The following NEO1 variants were observed in gnomAD, a reference collection of about 807,000 sequenced individuals.
NEO1 encodes the protein neogenin.
In NEO1, 63 loss-of-function variants were observed where a neutral mutation model predicts 159.7. The ratio of observed to expected loss-of-function variants is 0.39; its 90% CI spans 0.32 to 0.49. NEO1 has a LOEUF of 0.49. Among genes scored for constraint, NEO1 ranks in the 20% least tolerant of loss-of-function variants. NEO1 has a pLI of 0.85. For missense variants in NEO1, 1,615 were observed against 1,831.0 expected, an observed-to-expected ratio of 0.88 and a Z score of 2.15; for synonymous variants, 633 against 662.0, an observed-to-expected ratio of 0.96 and a Z score of 0.67.
intron 1 of NEO1, among the ~76,000 whole-genome samples, chr15:73,084,654 A>G (rs1595936129): frequency 6.6e-6 from 1 of 152,114 alleles, no homozygotes; most frequent in African/African-American, 2.4e-5. Flanking sequence ...TTTCCTTTGG[A>G]TATATACCCA....
At position 73,191,261 on chromosome 15, in the gene NEO1, C is replaced by A. The variant is rs145433509; in HGVS notation, c.1291+12834C>A. On this transcript the variant is annotated intron_variant, in intron 7 of 28. Coordinates refer to ENST00000261908, the MANE Select transcript of NEO1 (RefSeq NM_002499.4). ...AAACAGTCATCTCTGCACAGCACACCTTTGAGGGGCAAATGGAATAATATA... is the reference window on the plus strand; with the variant it reads ...AAACAGTCATCTCTGCACAGCACACATTTGAGGGGCAAATGGAATAATATA... Among the ~76,000 whole-genome samples the A allele has an allele frequency of 9.0e-4, 137 of 152,136 alleles. 1 individual carries two copies. Among genetic ancestry groups the A allele is most frequent in the African/African-American group, 3.2e-3 (132 of 41,526 alleles).
At chr15:73,114,090 T>C (rs1422289197) in intron 1 of NEO1, among the ~76,000 whole-genome samples, 1 of 152,152 alleles carries the variant, frequency 6.6e-6, no homozygotes, top group Non-Finnish European at 1.5e-5. Flanking sequence ...CATGCTTGCT[T>C]AGAACAGGCA....
chr15:73,228,144 A>G (rs1479098792), intron 7 of NEO1, among the ~76,000 whole-genome samples: 3 of 152,256 alleles, frequency 2.0e-5, no homozygotes, highest in Non-Finnish European at 4.4e-5. Context: ...TAAAGTGTCC[A>G]GAAATTATCA....
At chr15:73,227,485 A>T (rs1333147225) in intron 7 of NEO1, among the ~76,000 whole-genome samples, 1 of 152,120 alleles carries the variant, frequency 6.6e-6, no homozygotes, top group Admixed American at 6.5e-5. Context: ...AACAGACTCC[A>T]TCTCAAAAAC....
intron 1 of NEO1, among the ~76,000 whole-genome samples, chr15:73,067,672 A>C (rs1011161666): frequency 1.4e-5 from 2 of 147,296 alleles, no homozygotes; most frequent in African/African-American, 5.1e-5. Flanking sequence ...GCTGGAGTGC[A>C]GTGGTGCCAT....
chr15:73,068,956 C>CTT (rs35031912), intron 1 of NEO1, among the ~76,000 whole-genome samples: 2 of 135,980 alleles, frequency 1.5e-5, no homozygotes, highest in Non-Finnish European at 3.1e-5. Context: ...TAGAGTGGGG[C>CTT]TTTTTTTTTT....
At chr15:73,061,694 T>C (rs1441160819) in intron 1 of NEO1, among the ~76,000 whole-genome samples, 1 of 152,222 alleles carries the variant, frequency 6.6e-6, no homozygotes, top group Non-Finnish European at 1.5e-5. Context: ...AATCATACAC[T>C]CCAACCCTTC....
intron 1 of NEO1, among the ~76,000 whole-genome samples, chr15:73,095,993 C>T (rs763686039): frequency 9.9e-5 from 15 of 152,098 alleles, no homozygotes; most frequent in Non-Finnish European, 1.9e-4. Flanking sequence ...TATGGTGAAG[C>T]TTGGGTGGAA....
rs145323401 is a variant in NEO1, at chr15:73,294,852, A to G, written c.3901+1304A>G. 5.1e-3 allele frequency among the ~76,000 whole-genome samples: 774 copies of G among 152,060 alleles called. 6 individuals carry two copies. Among genetic ancestry groups the G allele is most frequent in the Admixed American group, 7.3e-3 (111 of 15,274 alleles). On this transcript the variant is annotated intron_variant, in intron 26 of 28. Coordinates refer to ENST00000261908, the MANE Select transcript of NEO1 (RefSeq NM_002499.4). ...ACCGCGCCCGGTCCCCATTCTTTCA[A>G]GTTTTCATCAATCATAAACATACCC...
At chr15:73,079,135 T>C (rs1045963277) in intron 1 of NEO1, among the ~76,000 whole-genome samples, 1 of 152,190 alleles carries the variant, frequency 6.6e-6, no homozygotes, top group African/African-American at 2.4e-5. Context: ...AGATTTTGTT[T>C]TGGAATCTTA....
intron 5 of NEO1, among the ~76,000 whole-genome samples, chr15:73,163,567 G>A (rs189699988): frequency 3.3e-4 from 50 of 152,122 alleles, no homozygotes; most frequent in African/African-American, 1.2e-3. Context: ...CTCTCTGTTT[G>A]TACCTACAGG....
intron 7 of NEO1, among the ~76,000 whole-genome samples, chr15:73,182,199 C>A (rs1450623646): frequency 6.6e-6 from 1 of 152,120 alleles, no homozygotes; most frequent in Admixed American, 6.5e-5. Flanking sequence ...TCAATCATCT[C>A]CCACTGGGTG....
chr15:73,182,645 A>G (rs969684971), intron 7 of NEO1, among the ~76,000 whole-genome samples: 6 of 152,168 alleles, frequency 3.9e-5, no homozygotes, highest in African/African-American at 1.4e-4. Context: ...GACAAGAGAG[A>G]ATGGGAGTCA....
At chr15:73,119,028 G>A (rs950467664) in intron 2 of NEO1, among the ~76,000 whole-genome samples, 5 of 151,910 alleles carry the variant, frequency 3.3e-5, no homozygotes, top group Non-Finnish European at 7.4e-5. Flanking sequence ...CAATTAAAAG[G>A]TACTAGTTTG....
chr15:73,051,695 G>A (rs1459081692), upstream of NEO1: 1 of 151,806 alleles, frequency 6.6e-6, no homozygotes, highest in Non-Finnish European at 1.5e-5. Flanking sequence ...ACGGCGGCCC[G>A]GCTTGGGAGC....
At chr15:73,161,262 T>C (rs1018860292) in intron 5 of NEO1, among the ~76,000 whole-genome samples, 1 of 152,228 alleles carries the variant, frequency 6.6e-6, no homozygotes, top group Non-Finnish European at 1.5e-5. Flanking sequence ...TTGATACGTA[T>C]GGAATTTACT....
At chr15:73,119,710 C>T (rs979834135) in intron 2 of NEO1, among the ~76,000 whole-genome samples, 1 of 152,150 alleles carries the variant, frequency 6.6e-6, no homozygotes, top group Non-Finnish European at 1.5e-5. Flanking sequence ...TACTAGTCCT[C>T]CATCTGCTTT....
chr15:73,225,377 T>C (rs1320685819), intron 7 of NEO1, among the ~76,000 whole-genome samples: 1 of 152,120 alleles, frequency 6.6e-6, no homozygotes, highest in Non-Finnish European at 1.5e-5. Context: ...CAAGATTATA[T>C]ACCCTTGTCT....
In NEO1 at chr15:73,260,432, T is replaced by C; in HGVS notation, c.2365T>C (p.Tyr789His). ...SPHAQTIKVD[Y>H]KQRYYTIENL... ...TCATGCCCAGACCATCAAAGTGGACTATAAACAGCGCTATTACACCATTGA... is the reference window on the plus strand; with the variant it reads ...TCATGCCCAGACCATCAAAGTGGACCATAAACAGCGCTATTACACCATTGA... The change falls in exon 15 of 29, where the codon TAT becomes CAT. Residue 789 changes from tyrosine to histidine, a missense_variant. Tyr to His is a moderately conservative substitution (Grantham distance 83, BLOSUM62 2). This residue lies in a region of NEO1 where 1,018 missense variants were observed against 1,115.4 expected (regional missense o/e 0.91). Transcript: ENST00000261908. The C allele has an allele frequency of 1.9e-6, 3 of 1,613,796 alleles. No homozygotes were observed. Among genetic ancestry groups the C allele is most frequent in the Non-Finnish European group, 2.5e-6 (3 of 1,179,776 alleles).
Sources: allele counts gnomAD v4.1 joint callset (sites outside exome capture counted in the v4.1 genomes callset), GRCh38; gene constraint gnomAD v4.1.1; regional missense constraint gnomAD v4.1.1; transcripts MANE v1.5; gene names NCBI Gene and HGNC (gene_info 2026-07-23, HGNC 2026-07-21).